TSHZ2: variants seen among roughly 807,000 people sequenced by gnomAD.
The protein encoded by TSHZ2 is teashirt homolog 2.
Under a neutral mutation model 74.4 loss-of-function variants are expected in TSHZ2, and 21 were observed. That is an observed-to-expected ratio of 0.28 (90% CI 0.20 to 0.41). The LOEUF (loss-of-function observed/expected upper bound fraction) is 0.41. Among genes scored for constraint, TSHZ2 ranks in the 10% least tolerant of loss-of-function variants. TSHZ2 has a pLI of 1.00. For missense variants in TSHZ2, 1,244 were observed against 1,293.5 expected (o/e 0.96, Z 0.59); for synonymous variants, 540 against 515.3 (o/e 1.05, Z -0.65).
At chr20:53,005,916 A>ATTAGTGGGTGCAGCGCACCAGCATGGCAC in intron 1 of TSHZ2, among the ~76,000 whole-genome samples, 1 of 152,214 alleles carries the variant, frequency 6.6e-6, no homozygotes. Context: ...AAATAATCCC[A>ATTAGTGGGTGCAGCGCACCAGCATGGCAC]AGAGAAGAAT....
chr20:53,188,342 T>C (rs1382151478), intron 1 of TSHZ2, among the ~76,000 whole-genome samples: 1 of 152,176 alleles, frequency 6.6e-6, no homozygotes, highest in Non-Finnish European at 1.5e-5. Flanking sequence ...TGGGAGTCGA[T>C]CAAGTTATTT....
intron 1 of TSHZ2, among the ~76,000 whole-genome samples, chr20:53,045,341 C>T (rs2123110015): frequency 1.3e-5 from 2 of 152,280 alleles, no homozygotes; most frequent in Admixed American, 1.3e-4. Context: ...CATGAGAATC[C>T]AAAAGGAGAA....
At chr20:53,407,423 G>C (rs1413264453) in intron 2 of TSHZ2, among the ~76,000 whole-genome samples, 1 of 152,198 alleles carries the variant, frequency 6.6e-6, no homozygotes, top group Non-Finnish European at 1.5e-5. Context: ...CCCTCACTAA[G>C]AGAAATTCTT....
chr20:53,236,142 C>T (rs1989934276), intron 1 of TSHZ2, among the ~76,000 whole-genome samples: 1 of 152,184 alleles, frequency 6.6e-6, no homozygotes, highest in African/African-American at 2.4e-5. Context: ...GTCACCTCTC[C>T]CTGATTTTTA....
intron 1 of TSHZ2, among the ~76,000 whole-genome samples, chr20:53,111,035 G>A (rs1201184151): frequency 6.6e-6 from 1 of 152,204 alleles, no homozygotes; most frequent in African/African-American, 2.4e-5. Context: ...AGTTCTCTGT[G>A]AAAAGGAGAA....
chr20:53,077,827 G>A (rs1391902563), intron 1 of TSHZ2, among the ~76,000 whole-genome samples: 2 of 152,226 alleles, frequency 1.3e-5, no homozygotes, highest in African/African-American at 4.8e-5. Flanking sequence ...CAAATTTCCT[G>A]ATAGTCACTT....
chr20:53,318,204 G>A (rs957310601), intron 2 of TSHZ2, among the ~76,000 whole-genome samples: 1 of 152,216 alleles, frequency 6.6e-6, no homozygotes, highest in African/African-American at 2.4e-5. Context: ...ATGCCTAAAA[G>A]TTCAGGAGGT....
chr20:53,101,349 G>T (rs1986211709), intron 1 of TSHZ2, among the ~76,000 whole-genome samples: 1 of 152,158 alleles, frequency 6.6e-6, no homozygotes, highest in Admixed American at 6.5e-5. Flanking sequence ...TGAAAAAGGA[G>T]GGGGGAGTGA....
chr20:53,119,465 GC>G (rs1986752983), intron 1 of TSHZ2, among the ~76,000 whole-genome samples: 1 of 152,148 alleles, frequency 6.6e-6, no homozygotes, highest in Non-Finnish European at 1.5e-5. Context: ...GAAGCTCAGA[GC>G]CCTCAGTGCA....
intron 2 of TSHZ2, among the ~76,000 whole-genome samples, chr20:53,328,564 A>C (rs1979589916): frequency 6.6e-6 from 1 of 152,230 alleles, no homozygotes; most frequent in African/African-American, 2.4e-5. Flanking sequence ...GCCATTGATA[A>C]TTGATTATTC....
chr20:53,489,570 A>G lies in TSHZ2; in HGVS notation c.*2435A>G, dbSNP rs773075530. The G allele has an allele frequency of 3.1e-5, 5 of 162,366 alleles. No individual in the cohort carries two copies. The allele number at this position is 162,366 out of a possible 1,614,324, so 10.1% of individuals were successfully genotyped here. On this transcript the variant is annotated 3_prime_UTR_variant, in exon 3 of 3. Transcript: ENST00000371497. ...GGGGAGGAGATCAATACAATTCCCA[A>G]TTCCATGGAAATTGTTTCCCTTCTA...
intron 1 of TSHZ2, among the ~76,000 whole-genome samples, chr20:53,146,824 AGGTAGAGGAGCGAGGC>A (rs1239165926): frequency 6.6e-6 from 1 of 152,144 alleles, no homozygotes; most frequent in African/African-American, 2.4e-5. Flanking sequence ...ATTTGCAGGG[AGGTAGAGGAGCGAGGC>A]GGGCGTGAAG....
chr20:53,114,120 A>G (rs1052221021), intron 1 of TSHZ2, among the ~76,000 whole-genome samples: 1 of 152,056 alleles, frequency 6.6e-6, no homozygotes, highest in East Asian at 1.9e-4. Context: ...AAGAAAGAAA[A>G]AAAAAATGGT....
rs1015005750 is a variant in TSHZ2, at chr20:53,456,131, G to A, written c.*9-31013G>A. Among the ~76,000 whole-genome samples the A allele has an allele frequency of 4.1e-4, 62 of 151,918 alleles. No individual in the cohort carries two copies. The East Asian group carries it at 9.7e-3, about 24-fold the overall frequency. ...TCTAGTTCTAGATCCCTGAGGAATC[G>A]CCACACTGACTCCCACAATGGTTGA... is the stretch of plus-strand genomic sequence containing the variant. On this transcript the variant is annotated intron_variant, in intron 2 of 2. Coordinates refer to ENST00000371497, the MANE Select transcript of TSHZ2 (RefSeq NM_173485.6).
chr20:52,981,107 A>T (rs1243798473), intron 1 of TSHZ2, among the ~76,000 whole-genome samples: 1 of 152,220 alleles, frequency 6.6e-6, no homozygotes, highest in African/African-American at 2.4e-5. Flanking sequence ...TTTATTAGAA[A>T]GTTGGGTACA....
At chr20:53,473,092 C>A (rs1158246824) in intron 2 of TSHZ2, among the ~76,000 whole-genome samples, 1 of 149,138 alleles carries the variant, frequency 6.7e-6, no homozygotes, top group Admixed American at 6.7e-5. Flanking sequence ...GGGCGCCCGC[C>A]ATTGCCCAGG....
chr20:53,129,939 G>A (rs1011334277), intron 1 of TSHZ2, among the ~76,000 whole-genome samples: 1 of 151,764 alleles, frequency 6.6e-6, no homozygotes, highest in African/African-American at 2.4e-5. Context: ...GAAAAACTCA[G>A]TCCTGCTTTT....
chr20:53,052,032 GTT>G (rs1456807530), intron 1 of TSHZ2, among the ~76,000 whole-genome samples: 2 of 152,112 alleles, frequency 1.3e-5, no homozygotes, highest in Non-Finnish European at 2.9e-5. Flanking sequence ...TAAGTATACA[GTT>G]TAGAAGTGTC....
chr20:53,448,078 T>C (rs1158002321), intron 2 of TSHZ2, among the ~76,000 whole-genome samples: 4 of 152,008 alleles, frequency 2.6e-5, no homozygotes, highest in Admixed American at 6.6e-5. Context: ...CATGCCCCGC[T>C]ACTTTTTTGT....
Sources: allele counts gnomAD v4.1 joint callset (sites outside exome capture counted in the v4.1 genomes callset), GRCh38; gene constraint gnomAD v4.1.1; transcripts MANE v1.5; gene names NCBI Gene and HGNC (gene_info 2026-07-23, HGNC 2026-07-21).